The following TAFA2 variants were observed in gnomAD, a reference collection of about 807,000 sequenced individuals.
TAFA2 encodes chemokine-like protein TAFA-2.
TAFA2 carries 7 observed loss-of-function variants against 18.8 expected under a neutral mutation model. The ratio of observed to expected loss-of-function variants is 0.37; its 90% CI spans 0.21 to 0.70. The LOEUF (loss-of-function observed/expected upper bound fraction) is 0.70. TAFA2 is among the 30% of genes least tolerant of loss of function. The probability of loss-of-function intolerance (pLI) is 0.53; values close to 1 mark genes in which losing one functional copy is unlikely to be tolerated. For missense variants in TAFA2, 122 were observed against 158.1 expected (o/e 0.77, Z 1.23); for synonymous variants, 60 against 54.2 (o/e 1.11, Z -0.47).
chr12:62,207,517 C>T (rs1317135746), intron 1 of TAFA2, among the ~76,000 whole-genome samples: 1 of 152,020 alleles, frequency 6.6e-6, no homozygotes, highest in Non-Finnish European at 1.5e-5. Flanking sequence ...CTCAAATGCA[C>T]CCCTATGGTC....
chr12:61,856,980 T>C (rs1329105973), intron 2 of TAFA2, among the ~76,000 whole-genome samples: 1 of 151,766 alleles, frequency 6.6e-6, no homozygotes, highest in Non-Finnish European at 1.5e-5. Flanking sequence ...ATAGTCTTAA[T>C]ATGAACAGTA....
intron 4 of TAFA2, among the ~76,000 whole-genome samples, chr12:61,744,219 A>G (rs2120713835): frequency 6.6e-6 from 1 of 152,268 alleles, no homozygotes. Context: ...ATGAAATTCT[A>G]TGGTGCTCAA....
intron 1 of TAFA2, among the ~76,000 whole-genome samples, chr12:62,003,210 T>C (rs1219864195): frequency 6.6e-6 from 1 of 152,174 alleles, no homozygotes; most frequent in Non-Finnish European, 1.5e-5. Context: ...AATATGGACC[T>C]GTCATTCACC....
intron 2 of TAFA2, among the ~76,000 whole-genome samples, chr12:61,756,416 C>A (rs1869270446): frequency 6.6e-6 from 1 of 152,052 alleles, no homozygotes; most frequent in Non-Finnish European, 1.5e-5. Context: ...ATTTTCTTAG[C>A]TAAGAATGAG....
intron 1 of TAFA2, among the ~76,000 whole-genome samples, chr12:62,249,066 T>A (rs909265752): frequency 1.3e-5 from 2 of 150,494 alleles, no homozygotes; most frequent in African/African-American, 4.9e-5. Flanking sequence ...GTTTAAAAAT[T>A]TTTTTTTTTC....
chr12:62,233,050 A>G (rs2062819049), intron 1 of TAFA2, among the ~76,000 whole-genome samples: 1 of 125,156 alleles, frequency 8.0e-6, no homozygotes, highest in Non-Finnish European at 1.6e-5. Context: ...TTGTCCTCCC[A>G]GCAATTTCTG....
At chr12:61,765,556 G>T (rs1381714819) in intron 2 of TAFA2, among the ~76,000 whole-genome samples, 1 of 152,030 alleles carries the variant, frequency 6.6e-6, no homozygotes, top group African/African-American at 2.4e-5. Flanking sequence ...AGTAGAAAGA[G>T]CAGAGAACGG....
At chr12:61,800,096 A>G (rs1370112506) in intron 2 of TAFA2, among the ~76,000 whole-genome samples, 2 of 152,232 alleles carry the variant, frequency 1.3e-5, no homozygotes, top group African/African-American at 2.4e-5. Context: ...ATTAGTTGAA[A>G]TGACACTTAA....
At chr12:61,792,871 A>C (rs1390702848) in intron 2 of TAFA2, among the ~76,000 whole-genome samples, 2 of 151,552 alleles carry the variant, frequency 1.3e-5, no homozygotes, top group Non-Finnish European at 3.0e-5. Context: ...AAGTAGAAAA[A>C]AATAGTAAGA....
At chr12:61,787,677 CA>C (rs1870794363) in intron 2 of TAFA2, among the ~76,000 whole-genome samples, 1 of 151,258 alleles carries the variant, frequency 6.6e-6, no homozygotes, top group African/African-American at 2.4e-5. Flanking sequence ...TCATGGTAAC[CA>C]CAAAAATAGA....
intron 2 of TAFA2, among the ~76,000 whole-genome samples, chr12:61,817,311 G>A (rs1184733802): frequency 6.6e-6 from 1 of 151,960 alleles, no homozygotes; most frequent in African/African-American, 2.4e-5. Flanking sequence ...CTACCTTCAT[G>A]TGACAAGGCC....
chr12:62,067,900 C>T (rs1276077795), intron 1 of TAFA2, among the ~76,000 whole-genome samples: 1 of 151,962 alleles, frequency 6.6e-6, no homozygotes. Context: ...TATTTGTTTA[C>T]TGCATTTATT....
intron 1 of TAFA2, among the ~76,000 whole-genome samples, chr12:61,943,348 C>T (rs1299004411): frequency 1.3e-5 from 2 of 151,372 alleles, no homozygotes; most frequent in African/African-American, 2.4e-5. Context: ...GCTGCAAAAT[C>T]ATGCCAAAAT....
At chr12:61,833,617 T>C (rs1015842297) in intron 2 of TAFA2, among the ~76,000 whole-genome samples, 9 of 152,100 alleles carry the variant, frequency 5.9e-5, no homozygotes, top group African/African-American at 2.2e-4. Flanking sequence ...GTGTAACTTC[T>C]ATCATGGTTC....
In TAFA2 at chr12:61,899,578, G is replaced by T. The variant is rs565082466; in HGVS notation, c.-1-32152C>A. Among the ~76,000 whole-genome samples, 17 of 152,166 alleles carry T rather than the reference G, an allele frequency of 1.1e-4. No individual in the cohort carries two copies. The South Asian group carries it at 3.5e-3, about 32-fold the overall frequency. On this transcript the variant is annotated intron_variant, in intron 1 of 4. Transcript: ENST00000416284. The stretch of plus-strand genomic sequence containing the variant: ...CTCATGAGAATTCACTCACTATCAC[G>T]AGAACAACATGGGAATCTGTCTCCA...
chr12:62,113,793 G>C (rs1234071011), intron 1 of TAFA2, among the ~76,000 whole-genome samples: 1 of 152,158 alleles, frequency 6.6e-6, no homozygotes, highest in Non-Finnish European at 1.5e-5. Context: ...TTTACAATGT[G>C]AGGGAAAAAC....
At chr12:62,172,809 T>G (rs1025127760) in intron 1 of TAFA2, among the ~76,000 whole-genome samples, 1 of 152,168 alleles carries the variant, frequency 6.6e-6, no homozygotes, top group Non-Finnish European at 1.5e-5. Flanking sequence ...CTTGATAAAT[T>G]TAAAATATCA....
chr12:62,235,130 C>A, intron 1 of TAFA2: 1 of 647,454 alleles, frequency 1.5e-6, no homozygotes. Context: ...TTATCTGGGG[C>A]CCACTGAAAA....
chr12:62,175,368 C>A (rs1463760423), intron 1 of TAFA2, among the ~76,000 whole-genome samples: 1 of 152,044 alleles, frequency 6.6e-6, no homozygotes, highest in Non-Finnish European at 1.5e-5. Context: ...TAAAGTGAAC[C>A]TTTTGTATCT....
Sources: gnomAD v4.1 joint callset for allele counts (sites outside exome capture counted in the v4.1 genomes callset) on GRCh38, gnomAD v4.1.1 for gene constraint, MANE v1.5 for transcripts, NCBI Gene and HGNC (gene_info 2026-07-23, HGNC 2026-07-21) for gene names.